PHC3: variants seen among roughly 807,000 people sequenced by gnomAD.
The protein encoded by PHC3 is polyhomeotic-like protein 3.
PHC3 carries 13 observed loss-of-function variants against 107.4 expected under a neutral mutation model. The ratio of observed to expected loss-of-function variants is 0.12; its 90% confidence interval spans 0.08 to 0.19. PHC3 has a LOEUF of 0.19. PHC3 is among the 10% of genes least tolerant of loss of function. The probability of loss-of-function intolerance (pLI) is 1.00; values close to 1 mark genes in which losing one functional copy is unlikely to be tolerated. For missense variants in PHC3, 992 were observed against 1,210.9 expected (o/e 0.82, Z 2.68); for synonymous variants, 456 against 427.4 (o/e 1.07, Z -0.83).
chr3:170,163,883 A>AAGGCAGGC (rs1560119151), intron 4 of PHC3, among the ~76,000 whole-genome samples: 1 of 141,436 alleles, frequency 7.1e-6, no homozygotes, highest in African/African-American at 2.7e-5. Flanking sequence ...AAAAAAAAAA[A>AAGGCAGGC]AGGCAGGCAG....
At chr3:170,147,837 T>C (rs1424277203) in intron 5 of PHC3, 1 of 152,196 alleles carries the variant, frequency 6.6e-6, no homozygotes, top group Non-Finnish European at 1.5e-5. Flanking sequence ...AAAGAAGATA[T>C]TCAATTTAGT....
In PHC3 at chr3:170,096,904, G is replaced by C. The variant is rs1364278334; in HGVS notation, c.*326C>G. 5.7e-6 allele frequency: 1 copy of C among 176,974 alleles called. No individual in the cohort carries two copies. The highest frequency in any genetic ancestry group is 2.4e-5 in the African/African-American group (1 of 42,396). The allele number at this position is 176,974 out of a possible 1,614,324, so 11.0% of individuals were successfully genotyped here. A position where few individuals can be genotyped will look rare whatever the true frequency, so the allele number is the denominator to read the frequency against. Reference sequence around the variant, plus strand: ...TAAATCATTAAATTACTTTTAAAAGGATTCTTTATATTAATGATAAACATC... The same window carrying C: ...TAAATCATTAAATTACTTTTAAAAGCATTCTTTATATTAATGATAAACATC... On this transcript the variant is annotated 3_prime_UTR_variant, in exon 15 of 15. Transcript: ENST00000495893.
At chr3:170,165,804 T>C (rs975424368) in intron 4 of PHC3, among the ~76,000 whole-genome samples, 9 of 79,696 alleles carry the variant, frequency 1.1e-4, no homozygotes, top group African/African-American at 4.2e-4. Context: ...GCAGCCATCA[T>C]AAAAATGCTT....
intron 4 of PHC3, among the ~76,000 whole-genome samples, chr3:170,155,904 G>A (rs1410579787): frequency 6.6e-6 from 1 of 152,090 alleles, no homozygotes; most frequent in Non-Finnish European, 1.5e-5. Flanking sequence ...TAAAATCCGG[G>A]ATTACTTTTT....
chr3:170,129,013 C>T lies in PHC3; in HGVS notation c.1459G>A (p.Val487Ile). ...HIGPVQQSAL[V>I]SPGQQIVSPS... ...GAGACAATCTGCTGGCCTGGGGATA[C>T]CAAGGCAGACTGCTGAACTGGGCCA... is the stretch of plus-strand genomic sequence containing the variant. The change falls in exon 8 of 15, where the codon GTA becomes ATA. Residue 487 changes from valine (V) to isoleucine (I), a missense_variant. By Grantham distance (29) the Val-to-Ile change is conservative. Coordinates refer to ENST00000495893, the MANE Select transcript of PHC3 (RefSeq NM_024947.4). 6.2e-7 allele frequency: 1 copy of T among 1,613,476 alleles called. No homozygotes were observed. Among genetic ancestry groups the T allele is most frequent in the Non-Finnish European group, 8.5e-7 (1 of 1,179,646 alleles).
rs1335909759 is a variant in PHC3 at position 170,089,268 on chromosome 3, A to C, written c.*7962T>G. The C allele has an allele frequency of 6.6e-6, 1 of 152,248 alleles. No homozygotes were observed. The highest frequency in any genetic ancestry group is 1.9e-4 in the East Asian group (1 of 5,206). 9.4% of individuals were successfully genotyped at this position (152,248 alleles called of 1,614,324 possible). ...ATGTCAGTATCAACTGATGTTAACA[A>C]GTAAAGCTTTGTCAACAGGAATTAC... is the stretch of plus-strand genomic sequence containing the variant. On this transcript the variant is annotated 3_prime_UTR_variant, in exon 15 of 15. Coordinates refer to ENST00000495893, the MANE Select transcript of PHC3 (RefSeq NM_024947.4).
chr3:170,113,632 A>T, intron 10 of PHC3, 113 bp from the exon 11 acceptor site: 1 of 983,710 alleles, frequency 1.0e-6, no homozygotes, highest in Non-Finnish European at 1.5e-6. Context: ...TACTAGTTCA[A>T]CTGATCAGAT....
intron 2 of PHC3, chr3:170,176,942 T>C (rs1401818050): frequency 1.8e-5 from 8 of 453,936 alleles, no homozygotes; most frequent in Admixed American, 1.7e-4. Context: ...ATAATGAAAA[T>C]GGAATTCAAA....
At chr3:170,166,817 A>T (rs1375751253) in intron 4 of PHC3, among the ~76,000 whole-genome samples, 1 of 151,768 alleles carries the variant, frequency 6.6e-6, no homozygotes, top group Non-Finnish European at 1.5e-5. Flanking sequence ...GGCACACACC[A>T]CCACACCTGG....
chr3:170,138,728 T>C (rs897136352), intron 6 of PHC3, among the ~76,000 whole-genome samples: 5 of 150,792 alleles, frequency 3.3e-5, no homozygotes, highest in African/African-American at 7.3e-5. Flanking sequence ...AAAAGAAATA[T>C]TAGAATCTAG....
Position 170,128,954 on chromosome 3 carries a change from G to A in PHC3, c.1518C>T (p.Ser506=). 2 of 1,614,002 alleles carry A rather than the reference G, an allele frequency of 1.2e-6. No homozygotes were observed. Among genetic ancestry groups the A allele is most frequent in the Non-Finnish European group, 1.7e-6 (2 of 1,179,902 alleles). ...PSHQQYSSLQ[S]SPIPIASPPQ... is the part of the protein sequence containing the mutation. The stretch of plus-strand genomic sequence containing the variant: ...GAGGACTTGCAATTGGGATTGGAGA[G>A]GACTGCAGGGATGAATATTGCTGGT... Residue 506 remains serine (S), a synonymous_variant, in exon 8 of 15, where the codon TCC becomes TCT. Coordinates refer to ENST00000495893, the MANE Select transcript of PHC3 (RefSeq NM_024947.4).
chr3:170,158,990 A>G (rs866767106), intron 4 of PHC3, among the ~76,000 whole-genome samples: 17 of 151,708 alleles, frequency 1.1e-4, no homozygotes, highest in East Asian at 1.9e-4. Context: ...GGTGGCTCAC[A>G]CCTGTAATCC....
At chr3:170,168,816 A>G (rs1482716389) in intron 4 of PHC3, among the ~76,000 whole-genome samples, 1 of 151,912 alleles carries the variant, frequency 6.6e-6, no homozygotes, top group Non-Finnish European at 1.5e-5. Flanking sequence ...ATTAGTCATG[A>G]TTCTAATTAG....
At chr3:170,140,337 T>G (rs1723837953) in intron 6 of PHC3, among the ~76,000 whole-genome samples, 1 of 151,870 alleles carries the variant, frequency 6.6e-6, no homozygotes, top group Non-Finnish European at 1.5e-5. Context: ...CACTGCAACC[T>G]CCACCTCCTG....
At chr3:170,128,407 C>T (rs765926336) in intron 8 of PHC3, 3 of 1,343,692 alleles carry the variant, frequency 2.2e-6, no homozygotes, top group South Asian at 1.3e-5. Flanking sequence ...AAAAAATCAA[C>T]TCTGTAAAGA....
At chr3:170,119,052 A>G (rs1170016170) in intron 9 of PHC3, among the ~76,000 whole-genome samples, 11 of 151,382 alleles carry the variant, frequency 7.3e-5, no homozygotes, top group East Asian at 5.8e-4. Flanking sequence ...AAAAAAAAAA[A>G]AAAGAAAAAG....
intron 2 of PHC3, chr3:170,177,038 T>C (rs1730591885): frequency 3.0e-6 from 1 of 337,444 alleles, no homozygotes; most frequent in Non-Finnish European, 6.0e-6. Context: ...GTTAACTAAG[T>C]AAACTTTACT....
intron 3 of PHC3, among the ~76,000 whole-genome samples, 162 bp downstream of exon 3, chr3:170,172,395 T>C (rs897654664): frequency 6.6e-6 from 1 of 152,220 alleles, no homozygotes. Context: ...ATCCCCTTTT[T>C]CTCAATTAAC....
At position 170,129,311 on chromosome 3, in the gene PHC3, A is replaced by G; in HGVS notation, c.1161T>C (p.Ile387=). The G allele has an allele frequency of 6.2e-7, 1 of 1,614,010 alleles. No homozygotes were observed. Among genetic ancestry groups the G allele is most frequent in the Non-Finnish European group, 8.5e-7 (1 of 1,179,890 alleles). ...CTGTTAAAGGAGAGGGATGACTCTG[A>G]ATCGGTGAACAATGCTGTGACTGGG... The part of the protein sequence containing the change: ...SNAQSQHCSP[I]QSHPSPLTVS... Residue 387 remains isoleucine, a synonymous_variant, in exon 8 of 15, where the codon ATT becomes ATC. Transcript: ENST00000495893.
Sources: allele counts gnomAD v4.1 joint callset (sites outside exome capture counted in the v4.1 genomes callset), GRCh38; gene constraint gnomAD v4.1.1; transcripts MANE v1.5; gene names NCBI Gene and HGNC (gene_info 2026-07-23, HGNC 2026-07-21).